The following MTF1 variants were observed in gnomAD, a reference collection of about 807,000 sequenced individuals.
The protein encoded by MTF1 is metal regulatory transcription factor 1, also known as MRE-binding transcription factor.
A neutral mutation model predicts 70.4 loss-of-function variants in MTF1; 22 were observed. The observed-to-expected ratio is 0.31, with a 90% CI of 0.22 to 0.45. The LOEUF (loss-of-function observed/expected upper bound fraction) is 0.45, where lower values mean the gene tolerates loss of function less well. Among genes scored for constraint, MTF1 ranks in the 20% least tolerant of loss-of-function variants. The pLI, the probability that MTF1 is intolerant of heterozygous loss-of-function variation, is 1.00. For synonymous variants in MTF1, 333 were observed against 352.8 expected (o/e 0.94, Z 0.63); for missense variants, 649 against 922.0 (o/e 0.70, Z 3.83).
At position 37,857,115 on chromosome 1, in the gene MTF1, C is replaced by CATAT. The variant is rs1187924983; in HGVS notation, c.408+132_408+135dup. 2.4e-5 allele frequency: 18 copies of CATAT among 761,488 alleles called. 1 individual carries two copies. The South Asian group carries it at 3.6e-4, about 15-fold the overall frequency. 47.2% of individuals were successfully genotyped at this position (761,488 alleles called of 1,614,324 possible). On this transcript the variant is annotated intron_variant, in intron 2 of 10. Coordinates refer to ENST00000373036, the MANE Select transcript of MTF1 (RefSeq NM_005955.3). ...GAAGCAATCACAACAAAACCTGAGG[C>CATAT]ATATGTTGTTGATAGCAAAACTACT...
rs1370704009 is a variant in MTF1 at position 37,840,305 on chromosome 1, G to A, written c.409-147C>T. On this transcript the variant is annotated intron_variant, in intron 2 of 10. Transcript: ENST00000373036. This position sits in a 1 kb window ranked among gnomAD's most constrained non-coding sequence, Gnocchi z 4.5. Reference sequence around the variant, plus strand: ...ACAGAAAACAGCCTCTAGCAGCAAAGTGGAAAAACCTTATTGTTGATCAAA... The same window carrying A: ...ACAGAAAACAGCCTCTAGCAGCAAAATGGAAAAACCTTATTGTTGATCAAA... 3.0e-6 allele frequency: 2 copies of A among 675,630 alleles called. No homozygotes were observed. The highest frequency in any genetic ancestry group is 1.8e-5 in the African/African-American group (1 of 55,412). The allele number at this position is 675,630 out of a possible 1,614,324, so 41.9% of individuals were successfully genotyped here.
At chr1:37,827,105 C>T (rs1641013750) in intron 7 of MTF1, among the ~76,000 whole-genome samples, 1 of 152,124 alleles carries the variant, frequency 6.6e-6, no homozygotes, top group Admixed American at 6.5e-5. Context: ...TATATACATA[C>T]ATTCTTCATA....
In MTF1 at chr1:37,813,271, C is replaced by CT. The variant is rs1289712767; in HGVS notation, c.*1864dup. 1 of 150,936 alleles carries CT rather than the reference C, an allele frequency of 6.6e-6. No individual in the cohort carries two copies. The highest frequency in any genetic ancestry group is 1.5e-5 in the Non-Finnish European group (1 of 67,974). 9.3% of individuals were successfully genotyped at this position (150,936 alleles called of 1,614,324 possible). On this transcript the variant is annotated 3_prime_UTR_variant, in exon 11 of 11. Coordinates refer to ENST00000373036, the MANE Select transcript of MTF1 (RefSeq NM_005955.3). ...CAGCCAGGGCAACAAAAGCAAAACT[C>CT]TGTCTCAAAAAAAAAAAGAAGTCAA...
At chr1:37,819,322 G>T (rs1640873696) in intron 9 of MTF1, among the ~76,000 whole-genome samples, 1 of 152,064 alleles carries the variant, frequency 6.6e-6, no homozygotes. Flanking sequence ...TGAACATTCA[G>T]TAAACATTCA....
chr1:37,832,246 G>C lies in MTF1; in HGVS notation c.1067C>G (p.Thr356Arg). The C allele has an allele frequency of 6.2e-7, 1 of 1,605,522 alleles. No homozygotes were observed. Among genetic ancestry groups the C allele is most frequent in the Non-Finnish European group, 8.5e-7 (1 of 1,172,466 alleles). ...CACTGGTATTACAGGTACACTTACCGTACTGGAATTTTCTCGCAATTCAGA... is the reference window on the plus strand; with the variant it reads ...CACTGGTATTACAGGTACACTTACCCTACTGGAATTTTCTCGCAATTCAGA... The part of the protein sequence containing the change: ...TDSELRENSS[T>R]TQGQDLSTIS... Residue 356 changes from threonine to arginine, a missense_variant and splice_region_variant, in exon 7 of 11, where the codon ACG (threonine) becomes AGG (arginine). Coordinates refer to ENST00000373036, the MANE Select transcript of MTF1 (RefSeq NM_005955.3).
chr1:37,848,464 A>G (rs1641365553), intron 2 of MTF1, among the ~76,000 whole-genome samples: 2 of 152,334 alleles, frequency 1.3e-5, no homozygotes, highest in South Asian at 4.1e-4. Context: ...GAAACAAGTA[A>G]GCCTGATTTA....
intron 7 of MTF1, among the ~76,000 whole-genome samples, chr1:37,824,693 G>A (rs114176529): frequency 0.02 from 2,996 of 152,100 alleles, 162 homozygotes; most frequent in Admixed American, 0.11. Flanking sequence ...GCAAGACTCC[G>A]TAAACAACAA....
chr1:37,820,971 G>A (rs1318047512), intron 9 of MTF1, among the ~76,000 whole-genome samples: 6 of 152,158 alleles, frequency 3.9e-5, no homozygotes, highest in Admixed American at 3.9e-4. Flanking sequence ...TTGGGTCTAG[G>A]AGTTCAAGAC....
At chr1:37,819,605 G>C (rs895830956) in intron 9 of MTF1, among the ~76,000 whole-genome samples, 1 of 151,992 alleles carries the variant, frequency 6.6e-6, no homozygotes, top group Non-Finnish European at 1.5e-5. Context: ...TCTAAGATGA[G>C]TGTGGGAGGA....
chr1:37,844,193 C>G (rs1241957206), intron 2 of MTF1, among the ~76,000 whole-genome samples: 1 of 152,184 alleles, frequency 6.6e-6, no homozygotes, highest in Non-Finnish European at 1.5e-5. Flanking sequence ...TATCACATTA[C>G]TCAGTAAGCA....
At chr1:37,839,854 A>T in intron 3 of MTF1, 66 bp downstream of exon 3, 1 of 1,294,518 alleles carries the variant, frequency 7.7e-7, no homozygotes, top group Non-Finnish European at 1.1e-6. Flanking sequence ...CTGCAAGGGG[A>T]AAGAGCTCTG....
intron 7 of MTF1, chr1:37,828,217 C>G: frequency 2.8e-6 from 1 of 353,864 alleles, no homozygotes; most frequent in Non-Finnish European, 5.3e-6. Flanking sequence ...TGTTGTAAGT[C>G]AGAATAGTGG....
At chr1:37,858,102 A>G (rs1391798279) in intron 1 of MTF1, among the ~76,000 whole-genome samples, 1 of 152,204 alleles carries the variant, frequency 6.6e-6, no homozygotes, top group Non-Finnish European at 1.5e-5. Context: ...ACGCCTGTCA[A>G]ACAATTTGAA....
chr1:37,838,577 C>A lies in MTF1; in HGVS notation c.779+48G>T, dbSNP rs774582541. The A allele has an allele frequency of 2.3e-5, 36 of 1,549,178 alleles. No individual in the cohort carries two copies. In the East Asian group the frequency reaches 8.3e-4, roughly 36 times the overall value. On this transcript the variant is annotated intron_variant, in intron 4 of 10. Coordinates refer to ENST00000373036, the MANE Select transcript of MTF1 (RefSeq NM_005955.3). ...GAAAAATTCCAGAGTATATCAAGAC[C>A]CCCAGCTGAAACCTGGTCAGTGACA...
chr1:37,839,232 G>A (rs1001515424), intron 3 of MTF1, among the ~76,000 whole-genome samples: 1 of 152,128 alleles, frequency 6.6e-6, no homozygotes, highest in Non-Finnish European at 1.5e-5. Flanking sequence ...GAAACGCAGA[G>A]AATAGCACAG....
intron 1 of MTF1, chr1:37,858,406 T>C (rs1055281030): frequency 6.6e-6 from 1 of 152,232 alleles, no homozygotes; most frequent in African/African-American, 2.4e-5. Flanking sequence ...AAAGTTTTTA[T>C]AAGAAATAAA....
intron 2 of MTF1, 111 bp downstream of exon 2, chr1:37,857,140 T>C: frequency 9.3e-7 from 1 of 1,071,414 alleles, no homozygotes; most frequent in Non-Finnish European, 1.3e-6. Flanking sequence ...GCAAAACTAC[T>C]TAAGTCCTAA....
intron 4 of MTF1, among the ~76,000 whole-genome samples, chr1:37,836,943 G>T (rs1051707530): frequency 4.4e-5 from 6 of 135,674 alleles, no homozygotes; most frequent in African/African-American, 8.5e-5. Context: ...ACGGGAAGGG[G>T]GGCGGCGGGG....
intron 7 of MTF1, among the ~76,000 whole-genome samples, chr1:37,831,345 A>ACTT (rs1315089616): frequency 6.6e-6 from 1 of 152,158 alleles, no homozygotes; most frequent in Non-Finnish European, 1.5e-5. Context: ...AGAACCTACA[A>ACTT]CTTCAGAAGT....
Sources: allele counts gnomAD v4.1 joint callset (sites outside exome capture counted in the v4.1 genomes callset), GRCh38; gene constraint gnomAD v4.1.1; non-coding constraint Gnocchi (gnomAD v3.1); transcripts MANE v1.5; gene names NCBI Gene and HGNC (gene_info 2026-07-23, HGNC 2026-07-21).